Variants in FHDC1 observed in about 807,000 individuals in gnomAD.
FHDC1 encodes FH2 domain-containing protein 1.
A neutral mutation model predicts 52.6 loss-of-function variants in FHDC1; 25 were observed. The ratio of observed to expected loss-of-function variants is 0.48; its 90% confidence interval spans 0.35 to 0.66. The LOEUF is 0.66. Among genes scored for constraint, FHDC1 ranks in the 30% least tolerant of loss-of-function variants. The pLI is 0.01. For missense variants in FHDC1, 1,459 were observed against 1,452.8 expected (o/e 1.00, Z -0.07); for synonymous variants, 616 against 581.5 (o/e 1.06, Z -0.85).
At chr4:152,923,822 G>A in the FHDC1 span, among the ~76,000 whole-genome samples, 17 of 152,120 alleles carry the variant, frequency 1.1e-4, no homozygotes, top group African/African-American at 4.1e-4. Context: ...AGCTGAAACT[G>A]GATCCCTTCC....
Position 152,975,622 on chromosome 4 carries a change from C to G in FHDC1, c.2331C>G (p.Thr777=), listed in dbSNP as rs750993433. The change falls in exon 12 of 12, where the codon ACC becomes ACG. Residue 777 remains threonine, a synonymous_variant. Transcript: ENST00000511601. ...CTCTGTTCTGCATCTCGGACACCACCGACTGCTCACTGACCCTGGACTGCT... is the reference window on the plus strand; with the variant it reads ...CTCTGTTCTGCATCTCGGACACCACGGACTGCTCACTGACCCTGGACTGCT... ...PRPLFCISDT[T]DCSLTLDCSE... 6.8e-6 allele frequency: 11 copies of G among 1,613,636 alleles called. No homozygotes were observed. The South Asian group carries it at 1.2e-4, about 18-fold the overall frequency.
At chr4:152,922,510 G>GGCCAGCATCATCCTGATACC in the FHDC1 span, among the ~76,000 whole-genome samples, 1 of 151,166 alleles carries the variant, frequency 6.6e-6, no homozygotes, top group Non-Finnish European at 1.5e-5. Flanking sequence ...CATTTTATGA[G>GGCCAGCATCATCCTGATACC]GCCAGCATCA....
At chr4:152,941,582 C>T (rs1175200474) in intron 1 of FHDC1, among the ~76,000 whole-genome samples, 1 of 152,220 alleles carries the variant, frequency 6.6e-6, no homozygotes, top group African/African-American at 2.4e-5. Flanking sequence ...TCATGTTGCA[C>T]ATCTTGAAAG....
chr4:152,959,783 T>G (rs1309517965), intron 4 of FHDC1, among the ~76,000 whole-genome samples: 3 of 152,124 alleles, frequency 2.0e-5, no homozygotes, highest in Non-Finnish European at 4.4e-5. Context: ...TTAAAAAAAT[T>G]TATAGAAATA....
the FHDC1 span, among the ~76,000 whole-genome samples, chr4:152,924,911 AATG>A: frequency 6.6e-6 from 1 of 151,448 alleles, no homozygotes; most frequent in South Asian, 2.1e-4. Context: ...ACCTAATGCT[AATG>A]ATGAGTTAAT....
intron 11 of FHDC1, among the ~76,000 whole-genome samples, chr4:152,973,433 C>T (rs1030069053): frequency 2.0e-5 from 3 of 152,256 alleles, no homozygotes; most frequent in Admixed American, 6.5e-5. Flanking sequence ...CGTTTGCACT[C>T]CTCTGGCCAA....
chr4:152,975,254 C>G lies in FHDC1; in HGVS notation c.1963C>G (p.Leu655Val). The G allele has an allele frequency of 6.2e-7, 1 of 1,613,510 alleles. No individual in the cohort carries two copies. The highest frequency in any genetic ancestry group is 8.5e-7 in the Non-Finnish European group (1 of 1,180,050). The change falls in exon 12 of 12, where the codon CTG becomes GTG. Residue 655 changes from leucine (L) to valine (V), a missense_variant. Leu to Val is a conservative substitution (Grantham distance 32). Coordinates refer to ENST00000511601, the MANE Select transcript of FHDC1 (RefSeq NM_001371116.1). ...AAAGAGGTACAGTGAGCCGGTGAGC[C>G]TGGGCTCAGCACAGTCCCCTCCTCT... ...LRKRYSEPVS[L>V]GSAQSPPLSP...
At chr4:152,963,969 G>A (rs1490220909) in intron 8 of FHDC1, among the ~76,000 whole-genome samples, 1 of 151,860 alleles carries the variant, frequency 6.6e-6, no homozygotes, top group Non-Finnish European at 1.5e-5. Context: ...TTTAACCTGG[G>A]GAGGAAGCCG....
the FHDC1 span, chr4:152,928,046 C>T: frequency 9.1e-6 from 13 of 1,434,446 alleles, no homozygotes; most frequent in South Asian, 1.4e-4. Flanking sequence ...CTCCTCCATC[C>T]ACTGCCCCTC....
At chr4:152,972,794 ACACT>A (rs746738149) in intron 11 of FHDC1, among the ~76,000 whole-genome samples, 1 of 152,222 alleles carries the variant, frequency 6.6e-6, no homozygotes. Context: ...AGGCTCCCTG[ACACT>A]CACATTAATG....
At chr4:152,923,710 A>G in the FHDC1 span, among the ~76,000 whole-genome samples, 1 of 152,184 alleles carries the variant, frequency 6.6e-6, no homozygotes, top group Non-Finnish European at 1.5e-5. Context: ...CCGCATATCT[A>G]CAACTATCTG....
Position 152,974,745 on chromosome 4 carries a change from G to C in FHDC1, c.1454G>C (p.Arg485Pro). Reference sequence around the variant, plus strand: ...CTGAAGGAGCAGGAGCAGAAGCAGCGCTCCTGGGCAACTGGGGAGCTGGGG... The same window carrying C: ...CTGAAGGAGCAGGAGCAGAAGCAGCCCTCCTGGGCAACTGGGGAGCTGGGG... ...QRLKEQEQKQ[R>P]SWATGELGAF... The change falls in exon 12 of 12, where the codon CGC becomes CCC. Residue 485 changes from arginine to proline, a missense_variant. Transcript: ENST00000511601. 1 of 1,521,572 alleles carries C rather than the reference G, an allele frequency of 6.6e-7. No homozygotes were observed. Among genetic ancestry groups the C allele is most frequent in the East Asian group, 2.3e-5 (1 of 43,930 alleles). 94.3% of individuals were successfully genotyped at this position (1,521,572 alleles called of 1,614,324 possible).
At chr4:152,956,784 G>A (rs995910081) in intron 4 of FHDC1, among the ~76,000 whole-genome samples, 4 of 152,180 alleles carry the variant, frequency 2.6e-5, no homozygotes, top group South Asian at 2.1e-4. Context: ...AATATCTGGC[G>A]TGCTTGGTCA....
the FHDC1 span, among the ~76,000 whole-genome samples, chr4:152,926,658 T>G: frequency 6.6e-6 from 1 of 152,090 alleles, no homozygotes; most frequent in African/African-American, 2.4e-5. Flanking sequence ...TTTCCCTTTT[T>G]TTTTCTTTTG....
chr4:152,956,860 TG>T (rs1740100573), intron 4 of FHDC1, among the ~76,000 whole-genome samples: 1 of 152,164 alleles, frequency 6.6e-6, no homozygotes, highest in African/African-American at 2.4e-5. Flanking sequence ...CAAACTCAAC[TG>T]GGAGTTTCCT....
At chr4:152,940,941 CT>C (rs140463116) in intron 1 of FHDC1, among the ~76,000 whole-genome samples, 1,577 of 152,236 alleles carry the variant, frequency 0.01, 10 homozygotes, top group Non-Finnish European at 0.018. Context: ...ATTATGAAAA[CT>C]CTTTCTAGAA....
chr4:152,943,383 A>G lies in FHDC1; in HGVS notation c.326A>G (p.Gln109Arg), dbSNP rs779360903. 6 of 1,613,642 alleles carry G rather than the reference A, an allele frequency of 3.7e-6. No individual in the cohort carries two copies. In the African/African-American group the frequency reaches 8.0e-5, roughly 22 times the overall value. Reference sequence around the variant, plus strand: ...TTTTGGAAAACTATTCCGGAGGAGCAAGTTCGAGGCAAAACCAACATCTGG... The same window carrying G: ...TTTTGGAAAACTATTCCGGAGGAGCGAGTTCGAGGCAAAACCAACATCTGG... ...SFFWKTIPEEQVRGKTNIWTL... is the reference protein window; with the variant it reads ...SFFWKTIPEERVRGKTNIWTL... The change falls in exon 2 of 12, where the codon CAA becomes CGA. Residue 109 changes from glutamine (Q) to arginine (R), a missense_variant. Physicochemically the swap from Gln to Arg is conservative, Grantham distance 43 (BLOSUM62 1). Coordinates refer to ENST00000511601, the MANE Select transcript of FHDC1 (RefSeq NM_001371116.1).
chr4:152,921,953 G>A, the FHDC1 span, among the ~76,000 whole-genome samples: 2 of 152,030 alleles, frequency 1.3e-5, no homozygotes, highest in African/African-American at 2.4e-5. Context: ...AAGAACTAGA[G>A]AAGCAAGAGC....
intron 1 of FHDC1, among the ~76,000 whole-genome samples, chr4:152,940,921 C>T (rs866704606): frequency 3.9e-5 from 6 of 152,100 alleles, no homozygotes; most frequent in African/African-American, 1.4e-4. Flanking sequence ...TAGTTATGCC[C>T]CTAATGATAA....
Sources: allele counts gnomAD v4.1 joint callset (sites outside exome capture counted in the v4.1 genomes callset), GRCh38; gene constraint gnomAD v4.1.1; transcripts MANE v1.5; gene names NCBI Gene and HGNC (gene_info 2026-07-23, HGNC 2026-07-21).